CRACD: variants seen among roughly 807,000 people sequenced by gnomAD.
CRACD encodes capping protein-inhibiting regulator of actin dynamics.
Under a neutral mutation model 106.8 loss-of-function variants are expected in CRACD, and 56 were observed. That is an observed-to-expected ratio of 0.52 (90% CI 0.42 to 0.66). CRACD has a LOEUF of 0.66. Ranked by LOEUF, CRACD falls within the 30% of genes least tolerant of loss-of-function variation. CRACD has a pLI of 0.00. For synonymous variants in CRACD, 754 were observed against 670.8 expected, an observed-to-expected ratio of 1.12 and a Z score of -1.92; for missense variants, 1,730 against 1,623.2, an observed-to-expected ratio of 1.07 and a Z score of -1.13.
At chr4:56,222,709 G>T (rs775449082) in intron 2 of CRACD, among the ~76,000 whole-genome samples, 3 of 152,056 alleles carry the variant, frequency 2.0e-5, no homozygotes, top group Non-Finnish European at 4.4e-5. Flanking sequence ...ACTTTGGGAG[G>T]CCGAAGCTGG....
chr4:56,247,073 A>G (rs1740724097), intron 2 of CRACD, among the ~76,000 whole-genome samples: 1 of 152,152 alleles, frequency 6.6e-6, no homozygotes, highest in Non-Finnish European at 1.5e-5. Flanking sequence ...GAGTTGTGGT[A>G]TTACTAGGAC....
intron 1 of CRACD, among the ~76,000 whole-genome samples, chr4:56,110,305 A>T (rs1334688733): frequency 6.6e-6 from 1 of 152,212 alleles, no homozygotes; most frequent in Non-Finnish European, 1.5e-5. Flanking sequence ...GTATGTTTTC[A>T]CATATTCAGG....
rs1410737281 is a variant in CRACD at position 56,327,634 on chromosome 4, C to CA, written c.3542-6dup. 1.2e-5 allele frequency: 19 copies of CA among 1,603,900 alleles called. No homozygotes were observed. Among genetic ancestry groups the CA allele is most frequent in the Admixed American group, 1.7e-5 (1 of 57,900 alleles). On this transcript the variant is annotated splice_polypyrimidine_tract_variant and intron_variant, in intron 10 of 10. Transcript: ENST00000682029. ...CTTACTTTTTCCTTTTCCTTCAAAA[C>CA]AAAATCCAGTGGAGATCTCCGACTC... is the stretch of plus-strand genomic sequence containing the variant.
chr4:56,309,283 C>G (rs987160797), intron 5 of CRACD, among the ~76,000 whole-genome samples: 2 of 152,120 alleles, frequency 1.3e-5, no homozygotes, highest in Non-Finnish European at 2.9e-5. Flanking sequence ...TTAAGCAGAG[C>G]AGTGACATAA....
intron 1 of CRACD, among the ~76,000 whole-genome samples, chr4:56,121,546 A>C (rs1412728449): frequency 6.6e-6 from 1 of 152,194 alleles, no homozygotes; most frequent in Non-Finnish European, 1.5e-5. Context: ...CTAGAGGCTT[A>C]GGCAGGGGAA....
chr4:56,052,904 T>C lies in CRACD; in HGVS notation c.-336+3605T>C, dbSNP rs1166640149. Among the ~76,000 whole-genome samples, 4 of 152,238 alleles carry C rather than the reference T, an allele frequency of 2.6e-5. No individual in the cohort carries two copies. In the East Asian group the frequency reaches 7.7e-4, roughly 29 times the overall value. ...GTCGATATTGAGAATTTACCCATTG[T>C]GGTACATCTTTTGTAGTTTCCTTTG... On this transcript the variant is annotated intron_variant, in intron 1 of 10. Transcript: ENST00000682029.
At chr4:56,144,201 G>A (rs1735301894) in intron 1 of CRACD, among the ~76,000 whole-genome samples, 1 of 152,152 alleles carries the variant, frequency 6.6e-6, no homozygotes, top group African/African-American at 2.4e-5. Context: ...AAGTGGAGAA[G>A]GGGGGAGAGT....
intron 1 of CRACD, among the ~76,000 whole-genome samples, chr4:56,178,899 G>A (rs1286216228): frequency 6.6e-6 from 1 of 152,174 alleles, no homozygotes; most frequent in Non-Finnish European, 1.5e-5. Flanking sequence ...CCTTCACTAG[G>A]AAATAACCTA....
chr4:56,280,402 T>G (rs948754460), intron 3 of CRACD, among the ~76,000 whole-genome samples: 16 of 152,078 alleles, frequency 1.1e-4, no homozygotes, highest in Admixed American at 6.6e-5. Flanking sequence ...TCCACCTCCT[T>G]CCTTTGTCTA....
At chr4:56,186,904 A>C (rs776924272) in intron 2 of CRACD, among the ~76,000 whole-genome samples, 13 of 152,098 alleles carry the variant, frequency 8.5e-5, no homozygotes, top group Middle Eastern at 3.4e-3. Context: ...TCTAACCACA[A>C]ATTTTTAGAA....
intron 2 of CRACD, among the ~76,000 whole-genome samples, chr4:56,183,330 T>G (rs1292970146): frequency 1.3e-5 from 2 of 151,274 alleles, no homozygotes; most frequent in Non-Finnish European, 2.9e-5. Flanking sequence ...TATTTTGGCT[T>G]TTCATTATGT....
intron 1 of CRACD, among the ~76,000 whole-genome samples, chr4:56,060,734 AG>A (rs1732242742): frequency 6.6e-6 from 1 of 152,166 alleles, no homozygotes; most frequent in South Asian, 2.1e-4. Flanking sequence ...GGTATTAGGA[AG>A]TGGGGCATTT....
intron 2 of CRACD, among the ~76,000 whole-genome samples, chr4:56,188,711 C>CACACACAGAGAG (rs1446016845): frequency 9.7e-5 from 11 of 113,172 alleles, no homozygotes; most frequent in African/African-American, 4.3e-4. Context: ...CACACACACA[C>CACACACAGAGAG]AGAGAGAGAG....
chr4:56,117,782 G>A (rs186317492), intron 1 of CRACD, among the ~76,000 whole-genome samples: 4 of 152,316 alleles, frequency 2.6e-5, no homozygotes, highest in Non-Finnish European at 4.4e-5. Flanking sequence ...TTTCGAGACA[G>A]AGTCTCGCTC....
intron 1 of CRACD, among the ~76,000 whole-genome samples, chr4:56,105,205 A>C (rs1182046987): frequency 6.6e-6 from 1 of 152,184 alleles, no homozygotes; most frequent in Non-Finnish European, 1.5e-5. Flanking sequence ...TTTTAATGAA[A>C]TAATGTTTGC....
rs187358623 is a variant in CRACD at position 56,244,127 on chromosome 4, C to T, written c.-188-28194C>T. On this transcript the variant is annotated intron_variant, in intron 2 of 10. Coordinates refer to ENST00000682029, the MANE Select transcript of CRACD (RefSeq NM_001393381.1). ...CACCTTATATTGGTTTCTAGTCTAA[C>T]GTTCTGGGAACTTGAGAAGATTCTG... Among the ~76,000 whole-genome samples the T allele has an allele frequency of 3.2e-3, 493 of 152,194 alleles. 2 individuals carry two copies. Among genetic ancestry groups the T allele is most frequent in the African/African-American group, 0.01 (435 of 41,534 alleles).
intron 1 of CRACD, among the ~76,000 whole-genome samples, chr4:56,137,846 C>T (rs547489542): frequency 6.0e-4 from 92 of 152,306 alleles, no homozygotes; most frequent in African/African-American, 1.3e-3. Flanking sequence ...GAGCAAGACC[C>T]TGTCTCTAAA....
At chr4:56,101,255 CTTG>C (rs35041775) in intron 1 of CRACD, among the ~76,000 whole-genome samples, 14,334 of 151,880 alleles carry the variant, frequency 0.094, 729 homozygotes, top group East Asian at 0.19. Context: ...TCCTCCTGTC[CTTG>C]TTGTTGTTGT....
chr4:56,298,855 T>C (rs1436874260), intron 4 of CRACD, among the ~76,000 whole-genome samples: 15 of 151,890 alleles, frequency 9.9e-5, no homozygotes, highest in Admixed American at 9.8e-4. Context: ...ATCACTTGAA[T>C]CCGGGAGGCA....
Sources: allele counts gnomAD v4.1 joint callset (sites outside exome capture counted in the v4.1 genomes callset), GRCh38; gene constraint gnomAD v4.1.1; transcripts MANE v1.5; gene names NCBI Gene and HGNC (gene_info 2026-07-23, HGNC 2026-07-21).